Variants in FGF14 observed in about 807,000 individuals in gnomAD.
FGF14 encodes the protein fibroblast growth factor homologous factor 4.
In FGF14, 5 loss-of-function variants were observed where a neutral mutation model predicts 25.5. The ratio of observed to expected loss-of-function variants is 0.20; its 90% confidence interval spans 0.10 to 0.41. The LOEUF (loss-of-function observed/expected upper bound fraction) is 0.41, where lower values mean the gene tolerates loss of function less well. FGF14 is among the 10% of genes least tolerant of loss of function. The pLI is 1.00. For missense variants in FGF14, 222 were observed against 320.1 expected (o/e 0.69, Z 2.34); for synonymous variants, 138 against 118.3 (o/e 1.17, Z -1.08).
At chr13:102,362,759 G>A (rs1015284473) in intron 1 of FGF14, among the ~76,000 whole-genome samples, 6 of 151,862 alleles carry the variant, frequency 4.0e-5, no homozygotes, top group African/African-American at 1.5e-4. Flanking sequence ...AAAGAAGAAA[G>A]AAAAGAATTT....
At chr13:102,287,933 A>G (rs1334545607) in intron 1 of FGF14, among the ~76,000 whole-genome samples, 1 of 152,230 alleles carries the variant, frequency 6.6e-6, no homozygotes, top group East Asian at 1.9e-4. Flanking sequence ...TTGTTTGTTC[A>G]ATAAATAAAT....
chr13:102,187,055 G>T (rs1418993297), intron 1 of FGF14, among the ~76,000 whole-genome samples: 2 of 152,168 alleles, frequency 1.3e-5, no homozygotes, highest in Non-Finnish European at 2.9e-5. Flanking sequence ...AGTTATTTAG[G>T]TAGAGTACAT....
At chr13:102,053,992 A>G (rs9557796) in intron 1 of FGF14, among the ~76,000 whole-genome samples, 57,112 of 151,938 alleles carry the variant, frequency 0.38, 11,286 homozygotes, top group East Asian at 0.73. Context: ...TGCTTCTCAA[A>G]TTCCTTTATA....
At chr13:101,766,650 A>T (rs1488251902) in intron 3 of FGF14, among the ~76,000 whole-genome samples, 1 of 152,186 alleles carries the variant, frequency 6.6e-6, no homozygotes, top group Admixed American at 6.5e-5. Flanking sequence ...GGAACTCTGA[A>T]TATGACTTTA....
At chr13:101,836,940 C>T (rs2042953125) in intron 3 of FGF14, among the ~76,000 whole-genome samples, 1 of 151,984 alleles carries the variant, frequency 6.6e-6, no homozygotes, top group African/African-American at 2.4e-5. Flanking sequence ...AATTCACCCA[C>T]AATTTTTTAA....
Position 102,202,085 on chromosome 13 carries a change from T to C in FGF14, c.208+199386A>G, listed in dbSNP as rs117260751. On this transcript the variant is annotated intron_variant, in intron 1 of 4. Coordinates refer to the FGF14 transcript ENST00000376131. ...CTCCTGCTCCTGCCATGTGAAGTGC[T>C]GCCTCCCCCTTCGCCTTCACCGCGA... Among the ~76,000 whole-genome samples the C allele has an allele frequency of 3.8e-3, 575 of 152,302 alleles. 21 individuals carry two copies. Among genetic ancestry groups the C allele is most frequent in the East Asian group, 0.035 (182 of 5,176 alleles).
At chr13:101,933,593 G>A (rs759839102) in intron 1 of FGF14, among the ~76,000 whole-genome samples, 1 of 152,100 alleles carries the variant, frequency 6.6e-6, no homozygotes, top group Non-Finnish European at 1.5e-5. Context: ...ACTTGGGGGC[G>A]AATGCCTGTA....
intron 1 of FGF14, among the ~76,000 whole-genome samples, chr13:102,208,945 T>A (rs1291612352): frequency 6.6e-6 from 1 of 152,226 alleles, no homozygotes; most frequent in Non-Finnish European, 1.5e-5. Flanking sequence ...ATTTAAATGA[T>A]TCTTTTCACT....
chr13:102,111,304 T>C (rs2045212597), intron 1 of FGF14, among the ~76,000 whole-genome samples: 1 of 152,246 alleles, frequency 6.6e-6, no homozygotes, highest in South Asian at 2.1e-4. Context: ...TTATATCTCT[T>C]GACAGCCTCA....
chr13:101,956,533 G>T (rs2036524394), intron 1 of FGF14, among the ~76,000 whole-genome samples: 1 of 151,992 alleles, frequency 6.6e-6, no homozygotes, highest in South Asian at 2.1e-4. Context: ...TAGATTCTCT[G>T]GAAAAATTTG....
chr13:102,100,186 C>A (rs540269384), intron 1 of FGF14, among the ~76,000 whole-genome samples: 2 of 152,070 alleles, frequency 1.3e-5, no homozygotes, highest in Non-Finnish European at 2.9e-5. Context: ...GCCTTGAAAC[C>A]CTCGAGACCT....
chr13:101,946,363 CAAAAA>C (rs59866034), intron 1 of FGF14, among the ~76,000 whole-genome samples: 3 of 91,946 alleles, frequency 3.3e-5, no homozygotes, highest in East Asian at 3.0e-4. Flanking sequence ...GCTTCTCCAT[CAAAAA>C]AAAAAAAAAA....
chr13:102,283,231 A>T (rs1462169557), intron 1 of FGF14, among the ~76,000 whole-genome samples: 2 of 152,234 alleles, frequency 1.3e-5, no homozygotes, highest in Admixed American at 1.3e-4. Context: ...CTGAAATTCC[A>T]TTGGCTATGG....
intron 1 of FGF14, among the ~76,000 whole-genome samples, chr13:101,893,278 T>C (rs2030050651): frequency 2.0e-5 from 3 of 152,220 alleles, no homozygotes; most frequent in African/African-American, 7.2e-5. Context: ...AGGTTTTTCC[T>C]GCTCCTGCAC....
At chr13:101,906,698 C>G (rs1445410806) in intron 1 of FGF14, among the ~76,000 whole-genome samples, 1 of 152,112 alleles carries the variant, frequency 6.6e-6, no homozygotes, top group Non-Finnish European at 1.5e-5. Flanking sequence ...TAAATTTGTT[C>G]ATCTACTCTA....
At chr13:101,946,945 T>C (rs1218434586) in intron 1 of FGF14, among the ~76,000 whole-genome samples, 1 of 152,154 alleles carries the variant, frequency 6.6e-6, no homozygotes, top group African/African-American at 2.4e-5. Flanking sequence ...GAGGAAGAAC[T>C]CTTTAGTGCC....
chr13:101,762,397 C>T (rs2038087108), intron 3 of FGF14, among the ~76,000 whole-genome samples: 1 of 152,170 alleles, frequency 6.6e-6, no homozygotes, highest in Non-Finnish European at 1.5e-5. Flanking sequence ...AAGAAACTCA[C>T]ACATTTATTA....
intron 1 of FGF14, among the ~76,000 whole-genome samples, chr13:102,268,325 T>A (rs1043473760): frequency 6.6e-6 from 1 of 152,126 alleles, no homozygotes; most frequent in Non-Finnish European, 1.5e-5. Context: ...ACTTTTTCCT[T>A]ATTGTAAAAA....
intron 3 of FGF14, among the ~76,000 whole-genome samples, chr13:101,761,470 G>A (rs767559343): frequency 5.4e-4 from 82 of 152,182 alleles, no homozygotes; most frequent in Non-Finnish European, 9.8e-4. Context: ...GACCCCACGT[G>A]ACTGTGGGTC....
Sources: allele counts gnomAD v4.1 joint callset (sites outside exome capture counted in the v4.1 genomes callset), GRCh38; gene constraint gnomAD v4.1.1; transcripts MANE v1.5; gene names NCBI Gene and HGNC (gene_info 2026-07-23, HGNC 2026-07-21).